The following ZCCHC7 variants were observed in gnomAD, a reference collection of about 807,000 sequenced individuals.
The protein encoded by ZCCHC7 is zinc finger CCHC domain-containing protein 7.
In ZCCHC7, 35 loss-of-function variants were observed where a neutral mutation model predicts 52.0. The observed-to-expected ratio is 0.67, with a 90% CI of 0.51 to 0.89. The LOEUF (loss-of-function observed/expected upper bound fraction) is 0.89, where lower values mean the gene tolerates loss of function less well. Among genes scored for constraint, ZCCHC7 ranks in the 40% least tolerant of loss-of-function variants. ZCCHC7 has a pLI of 0.00. For missense variants in ZCCHC7, 574 were observed against 649.1 expected, an observed-to-expected ratio of 0.88 and a Z score of 1.26; for synonymous variants, 217 against 221.5, an observed-to-expected ratio of 0.98 and a Z score of 0.18.
At chr9:37,158,547 T>G (rs1384218744) in intron 2 of ZCCHC7, among the ~76,000 whole-genome samples, 1 of 152,188 alleles carries the variant, frequency 6.6e-6, no homozygotes, top group Non-Finnish European at 1.5e-5. Context: ...AGAGAGTCAT[T>G]TATATGACAT....
chr9:37,232,009 A>G (rs904970165), intron 2 of ZCCHC7, among the ~76,000 whole-genome samples: 1 of 152,206 alleles, frequency 6.6e-6, no homozygotes, highest in Non-Finnish European at 1.5e-5. Context: ...TGCAAACAGC[A>G]ATGTATTGTG....
At chr9:37,199,357 G>A in intron 2 of ZCCHC7, among the ~76,000 whole-genome samples, 1 of 135,436 alleles carries the variant, frequency 7.4e-6, no homozygotes, top group East Asian at 2.1e-4. Flanking sequence ...TTGAGACGGA[G>A]CTTCACTCTT....
intron 2 of ZCCHC7, among the ~76,000 whole-genome samples, chr9:37,233,024 G>A (rs1437272371): frequency 3.9e-5 from 6 of 152,040 alleles, no homozygotes; most frequent in South Asian, 2.1e-4. Context: ...AAGTAACATC[G>A]CCATTCTATT....
At chr9:37,184,890 T>C (rs1217311753) in intron 2 of ZCCHC7, among the ~76,000 whole-genome samples, 2 of 152,182 alleles carry the variant, frequency 1.3e-5, no homozygotes, top group African/African-American at 2.4e-5. Context: ...TAAATGGTCA[T>C]GAAAAGAAAA....
intron 2 of ZCCHC7, among the ~76,000 whole-genome samples, chr9:37,299,207 G>A (rs1364719176): frequency 6.6e-6 from 1 of 152,178 alleles, no homozygotes; most frequent in African/African-American, 2.4e-5. Context: ...GCATTGGGTG[G>A]TGGACACATG....
intron 5 of ZCCHC7, among the ~76,000 whole-genome samples, chr9:37,322,688 A>T (rs1325171289): frequency 6.7e-6 from 1 of 149,372 alleles, no homozygotes; most frequent in African/African-American, 2.5e-5. Flanking sequence ...ATGTTTCTGA[A>T]TTTTTTTAAG....
At chr9:37,278,536 T>C (rs920192526) in intron 2 of ZCCHC7, among the ~76,000 whole-genome samples, 1 of 152,166 alleles carries the variant, frequency 6.6e-6, no homozygotes, top group Non-Finnish European at 1.5e-5. Context: ...ATATGTGTCA[T>C]TGGAGTCCCA....
At chr9:37,275,785 G>A (rs892936112) in intron 2 of ZCCHC7, among the ~76,000 whole-genome samples, 56 of 152,236 alleles carry the variant, frequency 3.7e-4, no homozygotes, top group African/African-American at 1.3e-3. Context: ...TGAGATTACA[G>A]GCACCCACCA....
intron 7 of ZCCHC7, among the ~76,000 whole-genome samples, chr9:37,350,119 G>GTT (rs775985212): frequency 0.013 from 1,550 of 119,178 alleles, 29 homozygotes; most frequent in African/African-American, 0.046. Flanking sequence ...TTTGGGGTTT[G>GTT]TTTTTTTTTT....
At position 37,257,529 on chromosome 9, in the gene ZCCHC7, A is replaced by G. The variant is rs941565670; in HGVS notation, c.611-44659A>G. ...GAAAGACATTTGAAAATACAAAACA[A>G]TGCCACTCTTCTCATTTCGGAAAAT... On this transcript the variant is annotated intron_variant, in intron 2 of 8. Transcript: ENST00000336755. Among the ~76,000 whole-genome samples the G allele has an allele frequency of 7.9e-5, 12 of 152,214 alleles. No homozygotes were observed. The East Asian group carries it at 1.7e-3, about 22-fold the overall frequency.
intron 2 of ZCCHC7, among the ~76,000 whole-genome samples, chr9:37,167,406 A>G (rs1016437208): frequency 6.6e-6 from 1 of 151,998 alleles, no homozygotes; most frequent in Non-Finnish European, 1.5e-5. Flanking sequence ...TTTCATCTCT[A>G]AAGTTTTATT....
At chr9:37,333,106 A>G (rs903881034) in intron 6 of ZCCHC7, among the ~76,000 whole-genome samples, 1 of 151,700 alleles carries the variant, frequency 6.6e-6, no homozygotes, top group Admixed American at 6.6e-5. Flanking sequence ...CATATTTTGC[A>G]TAGTTTTTTC....
At chr9:37,215,532 A>T (rs944643758) in intron 2 of ZCCHC7, among the ~76,000 whole-genome samples, 2 of 152,202 alleles carry the variant, frequency 1.3e-5, no homozygotes, top group Non-Finnish European at 2.9e-5. Context: ...TAGGTTATTA[A>T]AATTGTGAGT....
At chr9:37,212,619 T>C (rs79996764) in intron 2 of ZCCHC7, among the ~76,000 whole-genome samples, 7,721 of 152,224 alleles carry the variant, frequency 0.051, 642 homozygotes, top group African/African-American at 0.17. Flanking sequence ...GGCTCTGGTA[T>C]CAGCTTAAGG....
chr9:37,140,594 G>A (rs1843176937), intron 2 of ZCCHC7, among the ~76,000 whole-genome samples: 1 of 151,970 alleles, frequency 6.6e-6, no homozygotes, highest in Non-Finnish European at 1.5e-5. Flanking sequence ...TTTTAAAGTT[G>A]TATTAATCCC....
At chr9:37,274,991 T>A (rs550114997) in intron 2 of ZCCHC7, among the ~76,000 whole-genome samples, 2 of 152,364 alleles carry the variant, frequency 1.3e-5, no homozygotes, top group African/African-American at 4.8e-5. Context: ...ACTGTTCATG[T>A]ACTTAGATCA....
chr9:37,313,183 T>C (rs1403243317), intron 5 of ZCCHC7, among the ~76,000 whole-genome samples: 2 of 152,240 alleles, frequency 1.3e-5, no homozygotes, highest in Non-Finnish European at 2.9e-5. Context: ...TTTAATGTTA[T>C]TTATAGGTAA....
rs11303114 is a variant in ZCCHC7 at position 37,320,987 on chromosome 9, C to CTT, written c.952-6794_952-6793dup. ...TATATAATTGGGTTTTTTCTTTTTT[C>CTT]TTTTTTTTTTTTTTTTTTTGAGATG... On this transcript the variant is annotated intron_variant, in intron 5 of 8. Transcript: ENST00000336755. Among the ~76,000 whole-genome samples, 90 of 116,198 alleles carry CTT rather than the reference C, an allele frequency of 7.7e-4. 1 individual carries two copies. Among genetic ancestry groups the CTT allele is most frequent in the Middle Eastern group, 4.4e-3 (1 of 226 alleles). 76.2% of individuals were successfully genotyped at this position (116,198 alleles called of 152,430 possible).
At chr9:37,158,635 A>G (rs1298807408) in intron 2 of ZCCHC7, among the ~76,000 whole-genome samples, 2 of 152,186 alleles carry the variant, frequency 1.3e-5, no homozygotes, top group East Asian at 3.8e-4. Context: ...AGCTAATGTG[A>G]AACAAGTGTT....
Sources: allele counts gnomAD v4.1 joint callset (sites outside exome capture counted in the v4.1 genomes callset), GRCh38; gene constraint gnomAD v4.1.1; transcripts MANE v1.5; gene names NCBI Gene and HGNC (gene_info 2026-07-23, HGNC 2026-07-21).